MNAT1: variants seen among roughly 807,000 people sequenced by gnomAD.
MNAT1 encodes CDK-activating kinase assembly factor MAT1.
In MNAT1, 43 loss-of-function variants were observed where a neutral mutation model predicts 42.0. The observed-to-expected ratio is 1.02, with a 90% CI of 0.80 to 1.32. The LOEUF is 1.32. Ranked by LOEUF, MNAT1 falls within the 40% of genes most tolerant of loss-of-function variation. The probability of loss-of-function intolerance (pLI) is 0.00; values close to 1 mark genes in which losing one functional copy is unlikely to be tolerated. For synonymous variants in MNAT1, 118 were observed against 120.0 expected (o/e 0.98, Z 0.11); for missense variants, 306 against 350.4 (o/e 0.87, Z 1.01).
At chr14:60,834,878 A>G (rs1294102264) in intron 6 of MNAT1, among the ~76,000 whole-genome samples, 1 of 151,796 alleles carries the variant, frequency 6.6e-6, no homozygotes, top group Non-Finnish European at 1.5e-5. Context: ...TATTTAGGAT[A>G]GTTAGCTCTT....
chr14:60,893,381 AT>A (rs1442546173), intron 7 of MNAT1, among the ~76,000 whole-genome samples: 2 of 151,622 alleles, frequency 1.3e-5, no homozygotes, highest in Admixed American at 1.3e-4. Context: ...TAATCATAGT[AT>A]TTTCTTAACT....
intron 6 of MNAT1, among the ~76,000 whole-genome samples, 182 bp from the exon 7 acceptor site, chr14:60,879,532 T>A (rs1167166054): frequency 6.6e-6 from 1 of 152,210 alleles, no homozygotes; most frequent in African/African-American, 2.4e-5. Context: ...CATGTGTAAA[T>A]GACTATTAAT....
chr14:60,966,659 T>C (rs2036688942), intron 7 of MNAT1, among the ~76,000 whole-genome samples: 1 of 152,014 alleles, frequency 6.6e-6, no homozygotes, highest in South Asian at 2.1e-4. Context: ...ATTACAGGCA[T>C]GTGCCACCAC....
At chr14:60,889,148 T>C (rs114612774) in intron 7 of MNAT1, among the ~76,000 whole-genome samples, 2,521 of 152,178 alleles carry the variant, frequency 0.017, 74 homozygotes, top group African/African-American at 0.057. Flanking sequence ...CTGAGTCAAT[T>C]GTAAGCCAAA....
At chr14:60,788,921 A>T (rs2031734203) in intron 1 of MNAT1, among the ~76,000 whole-genome samples, 1 of 152,176 alleles carries the variant, frequency 6.6e-6, no homozygotes, top group Admixed American at 6.5e-5. Flanking sequence ...TTGCTTTCTT[A>T]ACATTGTGTG....
At chr14:60,798,217 A>G in intron 3 of MNAT1, 57 bp downstream of exon 3, 1 of 897,824 alleles carries the variant, frequency 1.1e-6, no homozygotes, top group Non-Finnish European at 1.8e-6. Context: ...TTATCTTTTA[A>G]ATGCTTAGGA....
At chr14:60,864,126 G>A (rs992051506) in intron 6 of MNAT1, among the ~76,000 whole-genome samples, 13 of 151,940 alleles carry the variant, frequency 8.6e-5, no homozygotes, top group African/African-American at 3.1e-4. Context: ...TAATCTGAAT[G>A]TGTTATGGAA....
intron 6 of MNAT1, among the ~76,000 whole-genome samples, chr14:60,835,672 C>T (rs1266090731): frequency 1.3e-5 from 2 of 152,124 alleles, no homozygotes; most frequent in African/African-American, 2.4e-5. Flanking sequence ...TAGCATTTTT[C>T]CTTCATTTCA....
At chr14:60,903,279 T>A (rs1009865448) in intron 7 of MNAT1, among the ~76,000 whole-genome samples, 1 of 152,078 alleles carries the variant, frequency 6.6e-6, no homozygotes, top group African/African-American at 2.4e-5. Flanking sequence ...TAATGGTGTA[T>A]AATATTATTA....
At chr14:60,867,216 G>A (rs78456655) in intron 6 of MNAT1, among the ~76,000 whole-genome samples, 1,976 of 152,220 alleles carry the variant, frequency 0.013, 44 homozygotes, top group African/African-American at 0.045. Context: ...CATATCATGT[G>A]TATTTGAGTA....
chr14:60,951,843 G>T (rs1444951370), intron 7 of MNAT1, among the ~76,000 whole-genome samples: 2 of 151,896 alleles, frequency 1.3e-5, no homozygotes, highest in Non-Finnish European at 2.9e-5. Context: ...AAGGCATACT[G>T]TTATAGAGAT....
At chr14:60,933,881 G>A (rs1300172624) in intron 7 of MNAT1, among the ~76,000 whole-genome samples, 1 of 152,032 alleles carries the variant, frequency 6.6e-6, no homozygotes, top group East Asian at 1.9e-4. Flanking sequence ...GTTACCAGGA[G>A]GGATCATATT....
chr14:60,820,379 T>G (rs2032846494), intron 6 of MNAT1, among the ~76,000 whole-genome samples: 1 of 152,130 alleles, frequency 6.6e-6, no homozygotes, highest in Non-Finnish European at 1.5e-5. Flanking sequence ...ATGGATAAAG[T>G]CATATTTAAT....
intron 7 of MNAT1, among the ~76,000 whole-genome samples, chr14:60,940,088 G>T (rs1349273925): frequency 6.6e-6 from 1 of 152,132 alleles, no homozygotes; most frequent in Non-Finnish European, 1.5e-5. Flanking sequence ...TTGTTTGGTA[G>T]ATCTTCCTCC....
At chr14:60,950,507 A>G (rs1157204306) in intron 7 of MNAT1, among the ~76,000 whole-genome samples, 2 of 152,236 alleles carry the variant, frequency 1.3e-5, no homozygotes, top group Non-Finnish European at 2.9e-5. Context: ...TGTTCAACCC[A>G]TGGCCTGCAG....
At chr14:60,967,242 T>C (rs914898077) in intron 7 of MNAT1, among the ~76,000 whole-genome samples, 11 of 152,220 alleles carry the variant, frequency 7.2e-5, no homozygotes, top group African/African-American at 2.4e-4. Context: ...TGTTAGAAGT[T>C]ATAAGTTGCT....
chr14:60,872,020 A>G (rs1345963124), intron 6 of MNAT1, among the ~76,000 whole-genome samples: 2 of 152,064 alleles, frequency 1.3e-5, no homozygotes, highest in Non-Finnish European at 2.9e-5. Context: ...GTCTTTTTAA[A>G]ATTTTCTCTT....
intron 7 of MNAT1, among the ~76,000 whole-genome samples, chr14:60,913,481 A>T (rs1371120218): frequency 6.6e-6 from 1 of 152,006 alleles, no homozygotes; most frequent in Non-Finnish European, 1.5e-5. Flanking sequence ...GTCTTTGATG[A>T]TGGTGGCGTC....
chr14:60,948,283 T>C (rs929301537), intron 7 of MNAT1, among the ~76,000 whole-genome samples: 3 of 151,904 alleles, frequency 2.0e-5, no homozygotes, highest in African/African-American at 4.8e-5. Context: ...ATTTAAAAAT[T>C]AGCTGGGCAT....
Sources: gnomAD v4.1 joint callset for allele counts (sites outside exome capture counted in the v4.1 genomes callset) on GRCh38, gnomAD v4.1.1 for gene constraint, MANE v1.5 for transcripts, NCBI Gene and HGNC (gene_info 2026-07-23, HGNC 2026-07-21) for gene names.